CHRNA7: variants seen among roughly 807,000 people sequenced by gnomAD.
CHRNA7 encodes the protein cholinergic receptor nicotinic alpha 7 subunit, also known as neuronal acetylcholine receptor subunit alpha-7.
Under a neutral mutation model 48.0 loss-of-function variants are expected in CHRNA7, and 17 were observed. The observed-to-expected ratio is 0.35, with a 90% CI of 0.24 to 0.53. CHRNA7 has a LOEUF of 0.53. Among genes scored for constraint, CHRNA7 ranks in the 20% least tolerant of loss-of-function variants. The pLI, the probability that CHRNA7 is intolerant of heterozygous loss-of-function variation, is 0.92. For missense variants in CHRNA7, 155 were observed against 577.7 expected, an observed-to-expected ratio of 0.27 and a Z score of 7.50; for synonymous variants, 75 against 242.3, an observed-to-expected ratio of 0.31 and a Z score of 6.41.
chr15:32,069,527 G>A (rs2050020445), intron 2 of CHRNA7, among the ~76,000 whole-genome samples: 1 of 152,068 alleles, frequency 6.6e-6, no homozygotes, highest in African/African-American at 2.4e-5. Flanking sequence ...AATGGCTGTA[G>A]TCCCAACTCC....
intron 2 of CHRNA7, among the ~76,000 whole-genome samples, chr15:32,088,557 C>T (rs755088395): frequency 5.9e-5 from 9 of 152,124 alleles, no homozygotes; most frequent in Non-Finnish European, 1.0e-4. Context: ...CAGCAATGAA[C>T]GAGCCTTCCT....
intron 4 of CHRNA7, among the ~76,000 whole-genome samples, chr15:32,114,814 G>C (rs1404708522): frequency 6.6e-6 from 1 of 152,218 alleles, no homozygotes; most frequent in Non-Finnish European, 1.5e-5. Context: ...GGCCCATGTG[G>C]CTGGTTGTCT....
intron 2 of CHRNA7, among the ~76,000 whole-genome samples, chr15:32,042,179 A>G (rs1399630410): frequency 1.3e-5 from 2 of 152,154 alleles, no homozygotes; most frequent in Admixed American, 6.5e-5. Flanking sequence ...CTATACTCCT[A>G]TGATTAGGTC....
chr15:32,125,913 C>T (rs778939829), intron 4 of CHRNA7, among the ~76,000 whole-genome samples: 1 of 151,994 alleles, frequency 6.6e-6, no homozygotes, highest in Non-Finnish European at 1.5e-5. Context: ...GAATTTCAGC[C>T]CATACACTTC....
At chr15:32,156,927 C>T (rs951230851) in intron 5 of CHRNA7, 1 of 47,086 alleles carries the variant, frequency 2.1e-5, no homozygotes. Context: ...TGCATCACCT[C>T]ACCCAGCTAA....
intron 4 of CHRNA7, among the ~76,000 whole-genome samples, chr15:32,135,592 T>G (rs1481989465): frequency 6.6e-6 from 1 of 152,210 alleles, no homozygotes; most frequent in East Asian, 1.9e-4. Flanking sequence ...AAGTGAGATC[T>G]ATGTGCTGTA....
At chr15:32,032,813 C>T (rs1011341213) in intron 2 of CHRNA7, among the ~76,000 whole-genome samples, 11 of 152,124 alleles carry the variant, frequency 7.2e-5, no homozygotes, top group African/African-American at 2.2e-4. Context: ...GCAAAGGCTG[C>T]GGCAGCACCT....
intron 2 of CHRNA7, among the ~76,000 whole-genome samples, chr15:32,064,988 G>C (rs1595404346): frequency 6.6e-6 from 1 of 152,152 alleles, no homozygotes; most frequent in Non-Finnish European, 1.5e-5. Flanking sequence ...GAAAATAGCA[G>C]AATAATGGCC....
At chr15:32,085,743 A>G (rs1391235934) in intron 2 of CHRNA7, among the ~76,000 whole-genome samples, 1 of 152,234 alleles carries the variant, frequency 6.6e-6, no homozygotes, top group Non-Finnish European at 1.5e-5. Context: ...CAGTAATGAC[A>G]TTGTCTTTGT....
Position 32,095,795 on chromosome 15 carries a change from A to G in CHRNA7, c.196-5508A>G, listed in dbSNP as rs930653179. ...TACTTTGAAAACTTCTGTCTTGTAC[A>G]ATTACCAAAGGGAATTATTTTCCGT... On this transcript the variant is annotated intron_variant, in intron 2 of 9. Transcript: ENST00000306901. Among the ~76,000 whole-genome samples, 4 of 152,258 alleles carry G rather than the reference A, an allele frequency of 2.6e-5. No individual in the cohort carries two copies. In the East Asian group the frequency reaches 5.8e-4, roughly 22 times the overall value.
intron 4 of CHRNA7, among the ~76,000 whole-genome samples, chr15:32,136,428 T>C (rs905326026): frequency 4.7e-5 from 7 of 150,104 alleles, no homozygotes; most frequent in South Asian, 4.2e-4. Flanking sequence ...GAGGCAGAGG[T>C]TGCAGTGAGC....
chr15:32,128,234 C>T (rs2051101424), intron 4 of CHRNA7, among the ~76,000 whole-genome samples: 1 of 151,936 alleles, frequency 6.6e-6, no homozygotes, highest in Non-Finnish European at 1.5e-5. Context: ...AGTGTTTCTT[C>T]CCATTTTATT....
intron 2 of CHRNA7, among the ~76,000 whole-genome samples, chr15:32,054,516 G>C (rs2049751264): frequency 6.6e-6 from 1 of 152,130 alleles, no homozygotes; most frequent in African/African-American, 2.4e-5. Context: ...AACCAATTCA[G>C]TGGGTTACCA....
chr15:32,119,057 T>C (rs1218891709), intron 4 of CHRNA7, among the ~76,000 whole-genome samples: 7 of 151,886 alleles, frequency 4.6e-5, no homozygotes, highest in African/African-American at 1.7e-4. Context: ...ATACTAGGCA[T>C]GGTCACAGGC....
chr15:32,033,759 G>C (rs1223984867), intron 2 of CHRNA7, among the ~76,000 whole-genome samples: 1 of 152,182 alleles, frequency 6.6e-6, no homozygotes, highest in Admixed American at 6.5e-5. Flanking sequence ...GGCTGGTATA[G>C]ATTCTCTTTA....
chr15:32,123,939 C>A (rs1278811934), intron 4 of CHRNA7, among the ~76,000 whole-genome samples: 1 of 128,130 alleles, frequency 7.8e-6, no homozygotes, highest in East Asian at 2.6e-4. Context: ...AAGAGCATTT[C>A]TTCTCTAACA....
At chr15:32,059,797 G>A (rs2049846681) in intron 2 of CHRNA7, among the ~76,000 whole-genome samples, 1 of 151,586 alleles carries the variant, frequency 6.6e-6, no homozygotes, top group Non-Finnish European at 1.5e-5. Context: ...ATACTTAGAA[G>A]CAGCAGACCC....
At chr15:32,143,667 T>C (rs1051327013) in intron 4 of CHRNA7, among the ~76,000 whole-genome samples, 6 of 152,238 alleles carry the variant, frequency 3.9e-5, no homozygotes, top group Non-Finnish European at 8.8e-5. Flanking sequence ...TTTACCATTA[T>C]ATAATGGCCT....
chr15:32,036,400 T>C (rs575053976), intron 2 of CHRNA7, among the ~76,000 whole-genome samples: 195 of 152,364 alleles, frequency 1.3e-3, no homozygotes, highest in African/African-American at 4.5e-3. Context: ...AAGCATCTTG[T>C]GCAGATTTTT....
Sources: allele counts gnomAD v4.1 joint callset (sites outside exome capture counted in the v4.1 genomes callset), GRCh38; gene constraint gnomAD v4.1.1; transcripts MANE v1.5; gene names NCBI Gene and HGNC (gene_info 2026-07-23, HGNC 2026-07-21).